Variants in PLCH2 observed in about 807,000 individuals in gnomAD.
The protein encoded by PLCH2 is phospholipase C eta 2.
Under a neutral mutation model 134.7 loss-of-function variants are expected in PLCH2, and 98 were observed. The observed-to-expected ratio is 0.73, with a 90% confidence interval of 0.62 to 0.86. The LOEUF is 0.86. Ranked by LOEUF, PLCH2 falls within the 40% of genes least tolerant of loss-of-function variation. The pLI is 0.00. For synonymous variants in PLCH2, 974 were observed against 827.5 expected (o/e 1.18, Z -3.04); for missense variants, 1,994 against 1,986.6 (o/e 1.00, Z -0.07).
rs79894605 is a variant in PLCH2 at position 2,447,363 on chromosome 1, C to T, written c.115+16734C>T. Among the ~76,000 whole-genome samples, 724 of 152,328 alleles carry T rather than the reference C, an allele frequency of 4.8e-3. 1 individual carries two copies. The highest frequency in any genetic ancestry group is 0.016 in the African/African-American group (666 of 41,570). ...TGGACCTGTGTTCCGCACACACCTG[C>T]ACACAGCTGTACAGTCACTCCCAAG... On this transcript the variant is annotated intron_variant, in intron 2 of 3. Transcript: ENST00000609981.
At chr1:2,458,548 G>T (rs1390829662) in intron 2 of PLCH2, among the ~76,000 whole-genome samples, 1 of 152,184 alleles carries the variant, frequency 6.6e-6, no homozygotes, top group Non-Finnish European at 1.5e-5. Flanking sequence ...GGCAGGCCGG[G>T]TGGACCCAGT....
chr1:2,462,103 C>T (rs1012648225), intron 2 of PLCH2, among the ~76,000 whole-genome samples: 2 of 146,540 alleles, frequency 1.4e-5, no homozygotes, highest in Admixed American at 1.4e-4. Context: ...ACCTGACACC[C>T]CCTCCGCCTG....
At chr1:2,502,494 T>C in intron 21 of PLCH2, 85 bp downstream of exon 21, 2 of 1,316,184 alleles carry the variant, frequency 1.5e-6, no homozygotes, top group African/African-American at 2.9e-5. Context: ...CCTGCTGGGA[T>C]GGCCGCCACA....
intron 2 of PLCH2, among the ~76,000 whole-genome samples, chr1:2,442,129 A>C (rs1044261091): frequency 1.3e-5 from 2 of 152,072 alleles, no homozygotes; most frequent in African/African-American, 4.8e-5. Context: ...AGGAATCCTG[A>C]CCATGCCCCA....
upstream of PLCH2, among the ~76,000 whole-genome samples, chr1:2,421,947 C>T (rs1638535538): frequency 6.6e-6 from 1 of 151,210 alleles, no homozygotes; most frequent in Non-Finnish European, 1.5e-5. Context: ...ACACTCCAGC[C>T]CAGGCGACGG....
intron 2 of PLCH2, among the ~76,000 whole-genome samples, chr1:2,457,572 C>T (rs1451518340): frequency 6.6e-6 from 1 of 152,172 alleles, no homozygotes; most frequent in Non-Finnish European, 1.5e-5. Context: ...CGCACCCACC[C>T]TGGGGGAGCG....
At chr1:2,497,095 C>G (rs116976704) in intron 15 of PLCH2, 85 bp downstream of exon 15, 4 of 1,353,798 alleles carry the variant, frequency 3.0e-6, no homozygotes, top group Non-Finnish European at 3.1e-6. Flanking sequence ...GCAGGGGACC[C>G]GCTGGGGCCT....
At chr1:2,428,293 C>T (rs2100473862) in intron 1 of PLCH2, among the ~76,000 whole-genome samples, 1 of 152,322 alleles carries the variant, frequency 6.6e-6, no homozygotes, top group Admixed American at 6.5e-5. Flanking sequence ...GGGCGGGGAG[C>T]AGCAGGCCTC....
chr1:2,436,794 G>A (rs780895436), intron 2 of PLCH2, among the ~76,000 whole-genome samples: 14 of 152,326 alleles, frequency 9.2e-5, no homozygotes, highest in African/African-American at 2.6e-4. Context: ...CGTGGGCACT[G>A]TGGCTCCTGG....
chr1:2,455,124 CT>C (rs941027289), intron 2 of PLCH2, among the ~76,000 whole-genome samples: 2 of 152,226 alleles, frequency 1.3e-5, no homozygotes, highest in Non-Finnish European at 2.9e-5. Context: ...GGACCTGGCT[CT>C]CCCCTTACCC....
At chr1:2,492,291 C>G (rs576547204) in intron 11 of PLCH2, 9 of 152,258 alleles carry the variant, frequency 5.9e-5, no homozygotes, top group Non-Finnish European at 1.2e-4. Context: ...GCTCGAGGAA[C>G]ATGCCCTGTG....
Position 2,502,247 on chromosome 1 carries a change from C to T in PLCH2, c.2797C>T (p.Pro933Ser), listed in dbSNP as rs914683809. The T allele has an allele frequency of 3.2e-6, 5 of 1,541,548 alleles. No homozygotes were observed. Among genetic ancestry groups the T allele is most frequent in the African/African-American group, 2.8e-5 (2 of 72,582 alleles). ...GATCCTGCGGCGCACGGCCAGCGCC[C>T]CGACCAAGAGCCAGAAGCCGGGCCG... is the stretch of plus-strand genomic sequence containing the variant. Reference protein sequence around the residue: ...QRILRRTASAPTKSQKPGRRG... With the variant: ...QRILRRTASASTKSQKPGRRG... The change falls in exon 21 of 22, where the codon CCG (proline) becomes TCG (serine). Residue 933 changes from proline to serine, a missense_variant. By Grantham distance (74) the Pro-to-Ser change is moderately conservative. Around this residue, in one of 2 missense-constraint regions of PLCH2, gnomAD observed 900 missense variants for 752.3 expected, o/e 1.20. Transcript: ENST00000378486.
In PLCH2 at chr1:2,498,242, C is replaced by T. The variant is rs551125563; in HGVS notation, c.2225-281C>T. On this transcript the variant is annotated intron_variant, in intron 16 of 21. Coordinates refer to ENST00000378486, the MANE Select transcript of PLCH2 (RefSeq NM_014638.4). The surrounding 1 kb of genome is among the most constrained non-coding windows in gnomAD (Gnocchi z 5.4). ...CCAGAGACCCCACCCCTCATACCCC[C>T]AGGGACCCAGACCCACCCCCAGAAG... is the stretch of plus-strand genomic sequence containing the variant. 4.4e-6 allele frequency: 2 copies of T among 455,250 alleles called. No homozygotes were observed. Among genetic ancestry groups the T allele is most frequent in the East Asian group, 3.9e-5 (1 of 25,386 alleles). 28.2% of individuals were successfully genotyped at this position (455,250 alleles called of 1,614,324 possible).
chr1:2,504,252 A>AG lies in PLCH2; in HGVS notation c.3294dup (p.Gln1099AlafsTer30). 1 of 1,589,552 alleles carries AG rather than the reference A, an allele frequency of 6.3e-7. No homozygotes were observed. ...CCCGTGATTAGAAGGGTGAAGAGTG[A>AG]GGGGCAGGTGCCCACGGAGCCCCTG... On this transcript the variant is annotated frameshift_variant, in exon 22 of 22. Coordinates refer to ENST00000378486, the MANE Select transcript of PLCH2 (RefSeq NM_014638.4). LOFTEE classifies it high-confidence loss of function.
rs146589248 is a variant in PLCH2 at position 2,502,534 on chromosome 1, C to T, written c.2959+125C>T. The stretch of plus-strand genomic sequence containing the variant: ...TGAAGTGTGTGGTGGGATCCTGCGC[C>T]GGCGTGAACACCGGGGGCCTGCAGA... On this transcript the variant is annotated intron_variant, in intron 21 of 21. Coordinates refer to ENST00000378486, the MANE Select transcript of PLCH2 (RefSeq NM_014638.4). 3.2e-4 allele frequency: 332 copies of T among 1,035,442 alleles called. No homozygotes were observed. In the African/African-American group the frequency reaches 4.7e-3, roughly 15 times the overall value. The allele number at this position is 1,035,442 out of a possible 1,614,324, so 64.1% of individuals were successfully genotyped here.
upstream of PLCH2, among the ~76,000 whole-genome samples, chr1:2,471,422 C>T (rs534799496): frequency 5.3e-5 from 8 of 152,342 alleles, no homozygotes; most frequent in South Asian, 2.1e-4. Flanking sequence ...TTGCCACTGC[C>T]GGCTGCTTGG....
upstream of PLCH2, among the ~76,000 whole-genome samples, chr1:2,423,937 C>A (rs1182366577): frequency 2.0e-5 from 3 of 152,164 alleles, no homozygotes; most frequent in Non-Finnish European, 2.9e-5. Flanking sequence ...CTCCCCCTCC[C>A]TTCTTCTCTG....
chr1:2,451,737 C>T (rs994579368), intron 2 of PLCH2, among the ~76,000 whole-genome samples: 26 of 152,310 alleles, frequency 1.7e-4, no homozygotes, highest in African/African-American at 6.0e-4. Flanking sequence ...GGACCCCTCC[C>T]TGGGGGCTGG....
chr1:2,472,074 CCTGACT>C (rs1641351167), upstream of PLCH2, among the ~76,000 whole-genome samples: 1 of 152,278 alleles, frequency 6.6e-6, no homozygotes, highest in South Asian at 2.1e-4. Context: ...TCAGGCCCAG[CCTGACT>C]CTGGGATCCC....
Sources: allele counts gnomAD v4.1 joint callset (sites outside exome capture counted in the v4.1 genomes callset), GRCh38; gene constraint gnomAD v4.1.1; regional missense constraint gnomAD v4.1.1; non-coding constraint Gnocchi (gnomAD v3.1); transcripts MANE v1.5; gene names NCBI Gene and HGNC (gene_info 2026-07-23, HGNC 2026-07-21).